LRP1B: variants seen among roughly 807,000 people sequenced by gnomAD.
The protein encoded by LRP1B is LDL receptor related protein 1B.
A neutral mutation model predicts 556.6 loss-of-function variants in LRP1B; 217 were observed. The ratio of observed to expected loss-of-function variants is 0.39; its 90% confidence interval spans 0.35 to 0.44. LRP1B has a LOEUF of 0.44. Among genes scored for constraint, LRP1B ranks in the 20% least tolerant of loss-of-function variants. LRP1B has a pLI of 1.00. For missense variants in LRP1B, 5,053 were observed against 5,620.8 expected (o/e 0.90, Z 3.23); for synonymous variants, 2,047 against 1,865.8 (o/e 1.10, Z -2.50).
chr2:141,842,160 A>G (rs1156714804), intron 1 of LRP1B, among the ~76,000 whole-genome samples: 1 of 152,164 alleles, frequency 6.6e-6, no homozygotes, highest in African/African-American at 2.4e-5. Context: ...TTTCTGAAAC[A>G]AATTTCTGAC....
intron 3 of LRP1B, among the ~76,000 whole-genome samples, chr2:141,381,533 A>C (rs1689642776): frequency 6.6e-6 from 1 of 152,138 alleles, no homozygotes; most frequent in African/African-American, 2.4e-5. Flanking sequence ...ATGAACATTC[A>C]GATCCAGGAA....
chr2:141,855,683 A>G lies in LRP1B; in HGVS notation c.83-45282T>C, dbSNP rs917746320. ...GAGGTTTAGGGGTTACCCTGGCCAC[A>G]GTATTGAGGGGTTCAAGGCAAAACC... is the stretch of plus-strand genomic sequence containing the variant. On this transcript the variant is annotated intron_variant, in intron 1 of 90. Coordinates refer to ENST00000389484, the MANE Select transcript of LRP1B (RefSeq NM_018557.3). Among the ~76,000 whole-genome samples the G allele has an allele frequency of 3.9e-5, 6 of 152,284 alleles. No homozygotes were observed. In the East Asian group the frequency reaches 9.7e-4, roughly 25 times the overall value.
At chr2:141,803,194 A>C (rs1381464969) in intron 2 of LRP1B, among the ~76,000 whole-genome samples, 1 of 148,160 alleles carries the variant, frequency 6.7e-6, no homozygotes, top group Non-Finnish European at 1.5e-5. Flanking sequence ...TTGTACTTCC[A>C]TCACCTATGC....
chr2:140,785,697 T>C (rs1689872437), intron 32 of LRP1B, among the ~76,000 whole-genome samples: 1 of 152,140 alleles, frequency 6.6e-6, no homozygotes, highest in Admixed American at 6.6e-5. Flanking sequence ...AATATCCTCC[T>C]GATGTATTTA....
chr2:141,303,234 A>G (rs895373637), intron 3 of LRP1B, among the ~76,000 whole-genome samples: 2 of 152,104 alleles, frequency 1.3e-5, no homozygotes, highest in Admixed American at 6.6e-5. Flanking sequence ...AAGTCAGGCT[A>G]TTTAGCGTAT....
rs6715341 is a variant in LRP1B, at chr2:141,212,899, T to A, written c.850+16284A>T. The stretch of plus-strand genomic sequence containing the variant: ...ATAGAGTAATTGATATAAACAAGAG[T>A]TATGTTGCTATGGCATATTTCTGGT... On this transcript the variant is annotated intron_variant, in intron 6 of 90. Transcript: ENST00000389484. Among the ~76,000 whole-genome samples the A allele has an allele frequency of 3.6e-3, 544 of 152,162 alleles. 3 individuals are homozygous for A. The highest frequency in any genetic ancestry group is 0.013 in the African/African-American group (534 of 41,498).
At chr2:142,083,772 C>CA (rs1348462205) in intron 1 of LRP1B, among the ~76,000 whole-genome samples, 4 of 152,034 alleles carry the variant, frequency 2.6e-5, no homozygotes, top group Non-Finnish European at 4.4e-5. Flanking sequence ...TTAAATGGAG[C>CA]AAAAAATCTT....
chr2:140,792,905 T>C (rs538166978), intron 32 of LRP1B, among the ~76,000 whole-genome samples: 28 of 152,126 alleles, frequency 1.8e-4, no homozygotes, highest in African/African-American at 6.7e-4. Flanking sequence ...AAATAACTAG[T>C]TTTATGAAAG....
At chr2:141,117,911 TA>T (rs552802855) in intron 7 of LRP1B, among the ~76,000 whole-genome samples, 87 of 152,126 alleles carry the variant, frequency 5.7e-4, no homozygotes, top group Admixed American at 4.8e-3. Context: ...AAAATACATT[TA>T]GACTTCCCTT....
At chr2:140,843,040 C>A (rs1304866621) in intron 29 of LRP1B, among the ~76,000 whole-genome samples, 1 of 117,296 alleles carries the variant, frequency 8.5e-6, no homozygotes, top group South Asian at 3.0e-4. Flanking sequence ...CCCTAAAATA[C>A]ATGTTCTCCA....
chr2:140,724,806 A>AT (rs1553519076), intron 35 of LRP1B, among the ~76,000 whole-genome samples: 73,307 of 115,886 alleles, frequency 0.63, 18,856 homozygotes, highest in Middle Eastern at 0.72. Context: ...AATTATCGAG[A>AT]TAAAAAAATA....
intron 3 of LRP1B, among the ~76,000 whole-genome samples, chr2:141,446,253 G>A (rs1260855692): frequency 2.0e-5 from 3 of 151,636 alleles, no homozygotes; most frequent in East Asian, 3.9e-4. Flanking sequence ...TTTTGCTTTT[G>A]ATTTGTTTGG....
Position 142,017,017 on chromosome 2 carries a change from C to T in LRP1B, c.82+113631G>A, listed in dbSNP as rs374091892. The stretch of plus-strand genomic sequence containing the variant: ...GTGTGTATATATATATGAAAGAGTA[C>T]GTGTGGATGTGAAGGGAAAGCAAGA... On this transcript the variant is annotated intron_variant, in intron 1 of 90. Coordinates refer to ENST00000389484, the MANE Select transcript of LRP1B (RefSeq NM_018557.3). Among the ~76,000 whole-genome samples the T allele has an allele frequency of 1.5e-4, 22 of 150,438 alleles. No homozygotes were observed. In the East Asian group the frequency reaches 2.5e-3, roughly 17 times the overall value.
At position 141,380,707 on chromosome 2, in the gene LRP1B, G is replaced by A. The variant is rs376538833; in HGVS notation, c.343+99689C>T. 4.6e-4 allele frequency among the ~76,000 whole-genome samples: 70 copies of A among 152,296 alleles called. 1 individual carries two copies. Among genetic ancestry groups the A allele is most frequent in the Middle Eastern group, 3.4e-3 (1 of 294 alleles). On this transcript the variant is annotated intron_variant, in intron 3 of 90. Coordinates refer to ENST00000389484, the MANE Select transcript of LRP1B (RefSeq NM_018557.3). ...AGAGGAAGTGGGTGATAAAATCTAG[G>A]TCCCAGCTTTTTCCCCGAGGAGAGA...
At position 140,475,357 on chromosome 2, in the gene LRP1B, CT is replaced by C. The variant is rs1259498150; in HGVS notation, c.9426-21del. Reference sequence around the variant, plus strand: ...AAATATCTAGGAAAGAAAATCAATACTGATTTTGTTTACAGATTCTCTGGGA... The same window carrying C: ...AAATATCTAGGAAAGAAAATCAATACGATTTTGTTTACAGATTCTCTGGGA... On this transcript the variant is annotated intron_variant, in intron 59 of 90. Coordinates refer to ENST00000389484, the MANE Select transcript of LRP1B (RefSeq NM_018557.3). The C allele has an allele frequency of 6.6e-7, 1 of 1,519,624 alleles. No individual in the cohort carries two copies. The highest frequency in any genetic ancestry group is 2.4e-5 in the East Asian group (1 of 42,180). The allele number at this position is 1,519,624 out of a possible 1,614,324, so 94.1% of individuals were successfully genotyped here. A position where few individuals can be genotyped will look rare whatever the true frequency, so the allele number is the denominator to read the frequency against.
chr2:141,823,241 G>GA (rs1284595405), intron 1 of LRP1B, among the ~76,000 whole-genome samples: 11 of 150,288 alleles, frequency 7.3e-5, no homozygotes, highest in African/African-American at 2.0e-4. Context: ...AAAGAAAAAA[G>GA]AAAAAAAAAG....
chr2:141,771,230 C>A (rs1370081797), intron 2 of LRP1B, among the ~76,000 whole-genome samples: 1 of 151,968 alleles, frequency 6.6e-6, no homozygotes, highest in Non-Finnish European at 1.5e-5. Context: ...TCCTTTAAAA[C>A]CTTAAGTGTT....
At chr2:141,928,009 T>C (rs1700383512) in intron 1 of LRP1B, among the ~76,000 whole-genome samples, 1 of 152,126 alleles carries the variant, frequency 6.6e-6, no homozygotes, top group African/African-American at 2.4e-5. Context: ...TTCAGGAATT[T>C]TTCCTGTCCC....
chr2:141,634,006 T>TGG (rs1354210378), intron 2 of LRP1B, among the ~76,000 whole-genome samples: 1 of 151,892 alleles, frequency 6.6e-6, no homozygotes, highest in African/African-American at 2.4e-5. Flanking sequence ...TCACTATACG[T>TGG]GAGTAATTAT....
Sources: allele counts gnomAD v4.1 joint callset (sites outside exome capture counted in the v4.1 genomes callset), GRCh38; gene constraint gnomAD v4.1.1; transcripts MANE v1.5; gene names NCBI Gene and HGNC (gene_info 2026-07-23, HGNC 2026-07-21).